PDGFC: variants seen among roughly 807,000 people sequenced by gnomAD.
PDGFC encodes platelet derived growth factor C.
Under a neutral mutation model 35.5 loss-of-function variants are expected in PDGFC, and 12 were observed. That is an observed-to-expected ratio of 0.34 (90% confidence interval 0.22 to 0.55). The LOEUF (loss-of-function observed/expected upper bound fraction) is 0.55. PDGFC is among the 20% of genes least tolerant of loss of function. PDGFC has a pLI of 0.91. For synonymous variants in PDGFC, 159 were observed against 148.8 expected (o/e 1.07, Z -0.50); for missense variants, 322 against 412.4 (o/e 0.78, Z 1.90).
At chr4:156,870,712 C>T (rs893253523) in intron 1 of PDGFC, among the ~76,000 whole-genome samples, 1 of 152,094 alleles carries the variant, frequency 6.6e-6, no homozygotes, top group Non-Finnish European at 1.5e-5. Context: ...TGTATAAACA[C>T]TACAGAAGAT....
At chr4:156,921,369 A>T (rs181363151) in intron 1 of PDGFC, among the ~76,000 whole-genome samples, 293 of 152,268 alleles carry the variant, frequency 1.9e-3, no homozygotes, top group African/African-American at 6.1e-3. Flanking sequence ...CCTCAAAAAT[A>T]CTGAGAATGG....
At chr4:156,952,965 A>T (rs1732118402) in intron 1 of PDGFC, among the ~76,000 whole-genome samples, 1 of 151,942 alleles carries the variant, frequency 6.6e-6, no homozygotes, top group African/African-American at 2.4e-5. Context: ...TACAAATAAA[A>T]CATAATGAAT....
At chr4:156,923,046 A>C (rs897724763) in intron 1 of PDGFC, among the ~76,000 whole-genome samples, 3 of 152,118 alleles carry the variant, frequency 2.0e-5, no homozygotes, top group Admixed American at 6.5e-5. Flanking sequence ...TATATTTTTT[A>C]AATAAATCAG....
At chr4:156,943,438 C>T (rs746296558) in intron 1 of PDGFC, among the ~76,000 whole-genome samples, 1 of 151,972 alleles carries the variant, frequency 6.6e-6, no homozygotes, top group Non-Finnish European at 1.5e-5. Flanking sequence ...AATCTCAGGC[C>T]CCACCCGCAA....
intron 1 of PDGFC, among the ~76,000 whole-genome samples, chr4:156,961,141 C>T (rs974378672): frequency 1.3e-5 from 2 of 152,046 alleles, no homozygotes; most frequent in South Asian, 2.1e-4. Flanking sequence ...AATTATAAAG[C>T]TTTAATGACT....
intron 1 of PDGFC, among the ~76,000 whole-genome samples, chr4:156,953,505 C>T (rs1344467311): frequency 6.6e-6 from 1 of 151,668 alleles, no homozygotes; most frequent in Non-Finnish European, 1.5e-5. Flanking sequence ...AAGTGCATGA[C>T]GATGTTACTA....
At chr4:156,929,783 T>C (rs1013871137) in intron 1 of PDGFC, among the ~76,000 whole-genome samples, 3 of 152,232 alleles carry the variant, frequency 2.0e-5, no homozygotes, top group African/African-American at 4.8e-5. Context: ...ATATTAGAAA[T>C]AGTTGATAAC....
intron 1 of PDGFC, among the ~76,000 whole-genome samples, chr4:156,863,827 A>G (rs532754131): frequency 1.3e-5 from 2 of 152,172 alleles, no homozygotes; most frequent in African/African-American, 2.4e-5. Context: ...AGGGTTAAAA[A>G]TATGAAAAAC....
intron 1 of PDGFC, among the ~76,000 whole-genome samples, chr4:156,939,322 C>T (rs1014985571): frequency 6.6e-6 from 1 of 151,884 alleles, no homozygotes; most frequent in African/African-American, 2.4e-5. Context: ...ACATCATGAA[C>T]AATGTGAATT....
intron 3 of PDGFC, among the ~76,000 whole-genome samples, chr4:156,794,727 G>A (rs571465136): frequency 8.2e-4 from 125 of 151,936 alleles, no homozygotes; most frequent in Non-Finnish European, 1.4e-3. Flanking sequence ...CAACTACATA[G>A]AAAAATAGCT....
At chr4:156,864,665 A>G (rs1001260553) in intron 1 of PDGFC, among the ~76,000 whole-genome samples, 3 of 152,128 alleles carry the variant, frequency 2.0e-5, no homozygotes, top group African/African-American at 4.8e-5. Flanking sequence ...CTGGTGTGGT[A>G]CGGCAGTACA....
intron 2 of PDGFC, among the ~76,000 whole-genome samples, chr4:156,825,577 A>AT (rs1732427829): frequency 8.9e-6 from 1 of 112,268 alleles, no homozygotes; most frequent in Non-Finnish European, 1.7e-5. Context: ...AATAATAATA[A>AT]TAATAATAAT....
intron 1 of PDGFC, among the ~76,000 whole-genome samples, chr4:156,917,278 A>T (rs1731174843): frequency 6.6e-6 from 1 of 152,220 alleles, no homozygotes; most frequent in African/African-American, 2.4e-5. Flanking sequence ...CAAAGGTCAC[A>T]CTTCACATTT....
At chr4:156,770,562 A>G (rs1302168670) in intron 4 of PDGFC, 3 of 152,088 alleles carry the variant, frequency 2.0e-5, no homozygotes, top group Non-Finnish European at 2.9e-5. Flanking sequence ...TAGCTTAACT[A>G]TAATAATATT....
At chr4:156,815,736 G>A (rs998895899) in intron 2 of PDGFC, among the ~76,000 whole-genome samples, 1 of 152,126 alleles carries the variant, frequency 6.6e-6, no homozygotes, top group African/African-American at 2.4e-5. Context: ...GACTGCTCTG[G>A]AGACATGGTA....
intron 1 of PDGFC, among the ~76,000 whole-genome samples, chr4:156,940,319 A>T (rs2110904639): frequency 6.6e-6 from 1 of 152,242 alleles, no homozygotes; most frequent in East Asian, 1.9e-4. Context: ...AATCTTGTCT[A>T]TATTATTAAA....
chr4:156,880,722 C>A (rs1730221287), intron 1 of PDGFC, among the ~76,000 whole-genome samples: 1 of 152,068 alleles, frequency 6.6e-6, no homozygotes. Flanking sequence ...TTCAACAGTG[C>A]AGTGGAAGAT....
At chr4:156,828,255 T>C (rs191707769) in intron 2 of PDGFC, among the ~76,000 whole-genome samples, 3 of 152,324 alleles carry the variant, frequency 2.0e-5, no homozygotes, top group Non-Finnish European at 4.4e-5. Flanking sequence ...GGTCACCGTT[T>C]AGAACACAAA....
At chr4:156,839,378 C>A (rs1729144078) in intron 2 of PDGFC, among the ~76,000 whole-genome samples, 1 of 152,188 alleles carries the variant, frequency 6.6e-6, no homozygotes, top group African/African-American at 2.4e-5. Flanking sequence ...TTGCTAGGCA[C>A]TTCTTCCTGC....
Sources: gnomAD v4.1 joint callset for allele counts (sites outside exome capture counted in the v4.1 genomes callset) on GRCh38, gnomAD v4.1.1 for gene constraint, MANE v1.5 for transcripts, NCBI Gene and HGNC (gene_info 2026-07-23, HGNC 2026-07-21) for gene names.